The following KIAA1217 variants were observed in gnomAD, a reference collection of about 807,000 sequenced individuals.
KIAA1217 encodes the protein sickle tail protein homolog.
Under a neutral mutation model 163.9 loss-of-function variants are expected in KIAA1217, and 88 were observed. The ratio of observed to expected loss-of-function variants is 0.54; its 90% CI spans 0.45 to 0.64. The LOEUF is 0.64. Ranked by LOEUF, KIAA1217 falls within the 30% of genes least tolerant of loss-of-function variation. KIAA1217 has a pLI of 0.00. For missense variants in KIAA1217, 2,372 were observed against 2,475.0 expected (o/e 0.96, Z 0.88); for synonymous variants, 903 against 923.1 (o/e 0.98, Z 0.39).
At chr10:24,417,762 T>A (rs2058383288) in intron 3 of KIAA1217, among the ~76,000 whole-genome samples, 1 of 152,122 alleles carries the variant, frequency 6.6e-6, no homozygotes, top group African/African-American at 2.4e-5. Flanking sequence ...TTTTTAAAAA[T>A]GAGCTTGAAA....
Position 23,695,603 on chromosome 10 carries a change from T to G in KIAA1217, c.-321+369T>G, listed in dbSNP as rs569475533. 1.3e-5 allele frequency among the ~76,000 whole-genome samples: 2 copies of G among 152,130 alleles called. No homozygotes were observed. Among genetic ancestry groups the G allele is most frequent in the East Asian group, 3.9e-4 (2 of 5,120 alleles). On this transcript the variant is annotated intron_variant, in intron 1 of 18. Transcript: ENST00000376462. This position sits in a 1 kb window ranked among gnomAD's most constrained non-coding sequence, Gnocchi z 4.9. The stretch of plus-strand genomic sequence containing the variant: ...GTGGCGAGCCAGGGGCTTATATAGG[T>G]GCGACTAGGATGTTGCCTCGTTTTT...
chr10:24,423,857 A>G (rs1210732698), intron 3 of KIAA1217, among the ~76,000 whole-genome samples: 3 of 152,320 alleles, frequency 2.0e-5, no homozygotes, highest in African/African-American at 4.8e-5. Flanking sequence ...CAAAATTGGA[A>G]TTTAGCTTAA....
chr10:23,947,275 A>G (rs1844098266), intron 1 of KIAA1217, among the ~76,000 whole-genome samples: 1 of 152,206 alleles, frequency 6.6e-6, no homozygotes, highest in African/African-American at 2.4e-5. Flanking sequence ...AATAAAATGT[A>G]TTTATGACTA....
chr10:24,017,598 T>C (rs902557127), intron 2 of KIAA1217, among the ~76,000 whole-genome samples: 1 of 152,104 alleles, frequency 6.6e-6, no homozygotes, highest in Non-Finnish European at 1.5e-5. Flanking sequence ...TACTCAACTT[T>C]AAGTGAAACA....
intron 2 of KIAA1217, among the ~76,000 whole-genome samples, chr10:24,309,502 C>T (rs1006074143): frequency 6.6e-6 from 1 of 152,184 alleles, no homozygotes; most frequent in African/African-American, 2.4e-5. Context: ...CTTTCTTTTA[C>T]TCAGTGTTCC....
chr10:23,726,304 G>GTTT (rs35157466), intron 1 of KIAA1217, among the ~76,000 whole-genome samples: 24,721 of 137,330 alleles, frequency 0.18, 2,219 homozygotes, highest in Middle Eastern at 0.25. Flanking sequence ...CATGAGTTTG[G>GTTT]TTTTTTTTTT....
intron 1 of KIAA1217, among the ~76,000 whole-genome samples, chr10:23,882,896 ATAGT>A (rs1841011513): frequency 6.6e-6 from 1 of 151,974 alleles, no homozygotes; most frequent in African/African-American, 2.4e-5. Flanking sequence ...TAATTAGAAA[ATAGT>A]TCACAAAAAC....
chr10:23,746,209 T>C lies in KIAA1217; in HGVS notation c.-321+50975T>C, dbSNP rs535202871. Among the ~76,000 whole-genome samples, 3 of 152,234 alleles carry C rather than the reference T, an allele frequency of 2.0e-5. No homozygotes were observed. The East Asian group carries it at 5.8e-4, about 29-fold the overall frequency. On this transcript the variant is annotated intron_variant, in intron 1 of 18. Coordinates refer to the KIAA1217 transcript ENST00000376462. ...AGTGAGAACTGCCTGTTTAAAAGAA[T>C]CTGGCACCTCCATCCCCTCTGTCTT...
At chr10:24,455,259 T>C (rs2061678892) in intron 5 of KIAA1217, among the ~76,000 whole-genome samples, 1 of 152,176 alleles carries the variant, frequency 6.6e-6, no homozygotes. Flanking sequence ...CACAGAATTT[T>C]TATCGACAGA....
chr10:23,886,362 C>T (rs573484677), intron 1 of KIAA1217, among the ~76,000 whole-genome samples: 3 of 152,030 alleles, frequency 2.0e-5, no homozygotes, highest in Non-Finnish European at 2.9e-5. Context: ...CCAGTGTCCA[C>T]GTATGGCTGA....
chr10:23,978,743 A>G (rs1845644346), intron 1 of KIAA1217, among the ~76,000 whole-genome samples: 1 of 152,208 alleles, frequency 6.6e-6, no homozygotes, highest in Non-Finnish European at 1.5e-5. Flanking sequence ...TTTAAAACAT[A>G]CACAGAAAGT....
intron 1 of KIAA1217, among the ~76,000 whole-genome samples, chr10:23,719,256 G>C (rs1007397877): frequency 2.0e-5 from 3 of 152,148 alleles, no homozygotes; most frequent in African/African-American, 4.8e-5. Context: ...GCTACAGTAT[G>C]ATGAAGCCCC....
chr10:23,748,683 T>C (rs1839561023), intron 1 of KIAA1217, among the ~76,000 whole-genome samples: 1 of 152,016 alleles, frequency 6.6e-6, no homozygotes, highest in African/African-American at 2.4e-5. Flanking sequence ...GTAGTTGGGG[T>C]TGAGACCCCT....
intron 2 of KIAA1217, among the ~76,000 whole-genome samples, chr10:24,337,939 G>A (rs999455528): frequency 3.3e-5 from 5 of 152,086 alleles, no homozygotes; most frequent in Admixed American, 1.3e-4. Context: ...CACCGCGCCC[G>A]GCCCGTAAAC....
intron 2 of KIAA1217, among the ~76,000 whole-genome samples, chr10:24,149,359 C>A (rs917133446): frequency 6.6e-6 from 1 of 151,576 alleles, no homozygotes; most frequent in East Asian, 1.9e-4. Context: ...TTTTTTTGTA[C>A]TTTTAGTAGA....
At chr10:24,503,820 C>A (rs1401694798) in intron 9 of KIAA1217, among the ~76,000 whole-genome samples, 1 of 152,208 alleles carries the variant, frequency 6.6e-6, no homozygotes. Flanking sequence ...CTGCTCCTGC[C>A]TTTTGGCACC....
At chr10:24,338,704 A>G (rs554785480) in intron 2 of KIAA1217, among the ~76,000 whole-genome samples, 1 of 152,326 alleles carries the variant, frequency 6.6e-6, no homozygotes, top group South Asian at 2.1e-4. Context: ...TCATTCTAGA[A>G]GCAAAACATG....
intron 2 of KIAA1217, among the ~76,000 whole-genome samples, chr10:24,137,071 G>A (rs1236354984): frequency 1.3e-5 from 2 of 152,180 alleles, no homozygotes; most frequent in African/African-American, 2.4e-5. Flanking sequence ...CATTTAATAC[G>A]TAAATTCTGA....
intron 1 of KIAA1217, among the ~76,000 whole-genome samples, chr10:23,839,078 A>G (rs1267416126): frequency 1.3e-5 from 2 of 151,988 alleles, no homozygotes; most frequent in African/African-American, 4.8e-5. Flanking sequence ...CACATTTTCA[A>G]TACTTTTTCT....
Sources: gnomAD v4.1 joint callset for allele counts (sites outside exome capture counted in the v4.1 genomes callset) on GRCh38, gnomAD v4.1.1 for gene constraint, Gnocchi (gnomAD v3.1) non-coding constraint, MANE v1.5 for transcripts, NCBI Gene and HGNC (gene_info 2026-07-23, HGNC 2026-07-21) for gene names.